Variants in VPS29 observed in about 807,000 individuals in gnomAD.
VPS29 encodes the protein VPS29 retromer complex component.
VPS29 carries 2 observed loss-of-function variants against 20.0 expected under a neutral mutation model. The ratio of observed to expected loss-of-function variants is 0.10; its 90% confidence interval spans 0.04 to 0.31. The LOEUF (loss-of-function observed/expected upper bound fraction) is 0.31, where lower values mean the gene tolerates loss of function less well. VPS29 is among the 10% of genes least tolerant of loss of function. VPS29 has a pLI of 1.00. For synonymous variants in VPS29, 81 were observed against 79.3 expected (o/e 1.02, Z -0.12); for missense variants, 120 against 215.3 (o/e 0.56, Z 2.77).
chr12:110,496,407 G>T, intron 1 of VPS29: 1 of 446,516 alleles, frequency 2.2e-6, no homozygotes. Flanking sequence ...TTTGGGATAG[G>T]TTTCATCATT....
chr12:110,500,199 T>TG (rs1259437114), intron 1 of VPS29, among the ~76,000 whole-genome samples: 1 of 152,200 alleles, frequency 6.6e-6, no homozygotes, highest in Non-Finnish European at 1.5e-5. Flanking sequence ...TTCCCACACT[T>TG]GAATTTGCTG....
At chr12:110,493,290 A>C in intron 2 of VPS29, 59 bp from the exon 3 acceptor site, 1 of 1,260,564 alleles carries the variant, frequency 7.9e-7, no homozygotes, top group East Asian at 2.8e-5. Context: ...TGTTTAAAAA[A>C]ATCAGTTTCC....
intron 3 of VPS29, among the ~76,000 whole-genome samples, chr12:110,492,491 AC>A (rs2062831529): frequency 1.3e-5 from 2 of 151,588 alleles, no homozygotes; most frequent in Non-Finnish European, 2.9e-5. Flanking sequence ...AATCACTTGA[AC>A]CCGGGAGACA....
rs576252204 is a variant in VPS29 at position 110,496,085 on chromosome 12, C to G, written c.122G>C (p.Cys41Ser). The G allele has an allele frequency of 2.9e-5, 47 of 1,613,776 alleles. No individual in the cohort carries two copies. The Admixed American group carries it at 5.0e-4, about 17-fold the overall frequency. ...IQHILCTGNL[C>S]TKESYDYLKT... The stretch of plus-strand genomic sequence containing the variant: ...GAGATAGTCATAACTCTCTTTGGTG[C>G]AAAGGTTTCCTGTGCAGAGAATGTG... The change falls in exon 2 of 4, where the codon TGC (cysteine) becomes TCC (serine). Residue 41 changes from cysteine (C) to serine (S), a missense_variant. By Grantham distance (112) the Cys-to-Ser change is moderately radical (BLOSUM62 -1). Coordinates refer to ENST00000549578, the MANE Select transcript of VPS29 (RefSeq NM_016226.5).
At chr12:110,500,305 T>C (rs2062985010) in intron 1 of VPS29, among the ~76,000 whole-genome samples, 2 of 152,184 alleles carry the variant, frequency 1.3e-5, no homozygotes, top group Admixed American at 1.3e-4. Context: ...AATGCTAAAT[T>C]TTTCCCAGTT....
At chr12:110,495,430 G>T (rs1362163145) in intron 2 of VPS29, among the ~76,000 whole-genome samples, 1 of 152,190 alleles carries the variant, frequency 6.6e-6, no homozygotes, top group Non-Finnish European at 1.5e-5. Flanking sequence ...TATAAACTTG[G>T]CTGAGTGTGG....
chr12:110,493,719 A>G (rs1305887051), intron 2 of VPS29, among the ~76,000 whole-genome samples: 1 of 152,142 alleles, frequency 6.6e-6, no homozygotes, highest in Non-Finnish European at 1.5e-5. Flanking sequence ...ATATTTTAAA[A>G]CATAACTTAC....
chr12:110,493,281 G>T, intron 2 of VPS29, 50 bp from the exon 3 acceptor site: 1 of 1,301,588 alleles, frequency 7.7e-7, no homozygotes, highest in African/African-American at 1.5e-5. Flanking sequence ...AGATACTGAT[G>T]TTTAAAAAAA....
chr12:110,492,836 C>T, intron 3 of VPS29, 160 bp downstream of exon 3: 1 of 638,270 alleles, frequency 1.6e-6, no homozygotes, highest in Non-Finnish European at 2.7e-6. Context: ...ATTGTCTAGG[C>T]TGGTCTCAAA....
At position 110,499,279 on chromosome 12, in the gene VPS29, G is replaced by A. The variant is rs534865816; in HGVS notation, c.3+2770C>T. The A allele has an allele frequency of 9.2e-5, 38 of 412,114 alleles. No homozygotes were observed. The East Asian group carries it at 1.2e-3, about 13-fold the overall frequency. The allele number at this position is 412,114 out of a possible 1,614,324, so 25.5% of individuals were successfully genotyped here. A position where few individuals can be genotyped will look rare whatever the true frequency, so the allele number is the denominator to read the frequency against. ...ATGGGGAAATAGTGTTACATAACAC[G>A]TGTCATACTTTGAAACATGTTCCCG... On this transcript the variant is annotated intron_variant, in intron 1 of 3. Coordinates refer to ENST00000549578, the MANE Select transcript of VPS29 (RefSeq NM_016226.5).
chr12:110,501,648 C>A (rs1055439975), intron 1 of VPS29: 21 of 1,530,312 alleles, frequency 1.4e-5, no homozygotes, highest in Non-Finnish European at 1.8e-5. Context: ...TACACCCCAA[C>A]CAGCGGGAGG....
intron 2 of VPS29, among the ~76,000 whole-genome samples, chr12:110,495,435 G>C (rs1305098621): frequency 6.6e-6 from 1 of 152,192 alleles, no homozygotes; most frequent in Non-Finnish European, 1.5e-5. Context: ...ACTTGGCTGA[G>C]TGTGGTGGCT....
chr12:110,500,752 A>ATT (rs60375403), intron 1 of VPS29, among the ~76,000 whole-genome samples: 6 of 144,908 alleles, frequency 4.1e-5, no homozygotes, highest in Non-Finnish European at 6.1e-5. Flanking sequence ...CAAACAATTG[A>ATT]TTTTTTTTTT....
intron 1 of VPS29, chr12:110,501,780 G>A (rs1202218099): frequency 9.2e-7 from 1 of 1,081,954 alleles, no homozygotes; most frequent in African/African-American, 1.6e-5. Flanking sequence ...TCTCGTGACA[G>A]GTCGGGCTGC....
intron 1 of VPS29, among the ~76,000 whole-genome samples, chr12:110,498,476 G>A (rs1157984286): frequency 1.3e-5 from 2 of 152,098 alleles, no homozygotes; most frequent in African/African-American, 4.8e-5. Flanking sequence ...CTTTGTAAAT[G>A]AAAATTAATC....
At chr12:110,500,950 C>G (rs1358150388) in intron 1 of VPS29, among the ~76,000 whole-genome samples, 1 of 152,036 alleles carries the variant, frequency 6.6e-6, no homozygotes, top group Non-Finnish European at 1.5e-5. Context: ...GAGGCCGAGG[C>G]GGGTGGATCA....
At chr12:110,494,476 G>GA (rs1457343490) in intron 2 of VPS29, among the ~76,000 whole-genome samples, 1 of 151,574 alleles carries the variant, frequency 6.6e-6, no homozygotes, top group Non-Finnish European at 1.5e-5. Flanking sequence ...GGATGGTCTC[G>GA]ATCTCCTGAC....
At chr12:110,492,175 T>C in intron 3 of VPS29, 53 bp from the exon 4 acceptor site, 2 of 1,346,884 alleles carry the variant, frequency 1.5e-6, no homozygotes, top group African/African-American at 1.5e-5. Flanking sequence ...GCAGCAGCAC[T>C]ATAAATTTCA....
At position 110,500,527 on chromosome 12, in the gene VPS29, A is replaced by G. The variant is rs1419948085; in HGVS notation, c.3+1522T>C. On this transcript the variant is annotated intron_variant, in intron 1 of 3. Transcript: ENST00000549578. ...TTAAAAGTGAGATTAAAGATTTTAA[A>G]GAAGCATGCACCATAAATCTCTGGC... 2.6e-5 allele frequency among the ~76,000 whole-genome samples: 4 copies of G among 152,244 alleles called. No homozygotes were observed. The East Asian group carries it at 7.7e-4, about 29-fold the overall frequency.
Sources: gnomAD v4.1 joint callset for allele counts (sites outside exome capture counted in the v4.1 genomes callset) on GRCh38, gnomAD v4.1.1 for gene constraint, MANE v1.5 for transcripts, NCBI Gene and HGNC (gene_info 2026-07-23, HGNC 2026-07-21) for gene names.